Variants in CCDC77 observed in about 807,000 individuals in gnomAD.
The protein encoded by CCDC77 is coiled-coil domain containing 77.
CCDC77 carries 56 observed loss-of-function variants against 66.8 expected under a neutral mutation model. That is an observed-to-expected ratio of 0.84 (90% CI 0.68 to 1.05). The LOEUF (loss-of-function observed/expected upper bound fraction) is 1.05. Among genes scored for constraint, CCDC77 ranks in the 50% least tolerant of loss-of-function variants. The pLI, the probability that CCDC77 is intolerant of heterozygous loss-of-function variation, is 0.00. For synonymous variants in CCDC77, 196 were observed against 195.2 expected (o/e 1.00, Z -0.03); for missense variants, 570 against 576.8 (o/e 0.99, Z 0.12).
chr12:425,119 C>T (rs976678659), intron 5 of CCDC77, among the ~76,000 whole-genome samples: 1 of 151,194 alleles, frequency 6.6e-6, no homozygotes, highest in Non-Finnish European at 1.5e-5. Flanking sequence ...TTTGTAGAGA[C>T]AGGGTTTTTC....
intron 10 of CCDC77, 131 bp downstream of exon 10, chr12:438,685 A>C: frequency 1.6e-6 from 1 of 640,568 alleles, no homozygotes; most frequent in Non-Finnish European, 2.7e-6. Context: ...CTCAAGAACT[A>C]GGTTTCAAAG....
Position 442,633 on chromosome 12 carries a change from T to C in CCDC77, c.*713T>C. The C allele has an allele frequency of 6.6e-6, 1 of 152,260 alleles. No homozygotes were observed. The highest frequency in any genetic ancestry group is 2.1e-4 in the South Asian group (1 of 4,832). 9.4% of individuals were successfully genotyped at this position (152,260 alleles called of 1,614,324 possible). Reference sequence around the variant, plus strand: ...AATTAACTATTTTCAATAAAATATTTCACTCAAAAGATTTTCTTTGAGTTT... The same window carrying C: ...AATTAACTATTTTCAATAAAATATTCCACTCAAAAGATTTTCTTTGAGTTT... On this transcript the variant is annotated 3_prime_UTR_variant, in exon 13 of 13. Coordinates refer to ENST00000239830, the MANE Select transcript of CCDC77 (RefSeq NM_032358.4).
At chr12:431,436 C>G (rs904020282) in intron 7 of CCDC77, among the ~76,000 whole-genome samples, 1 of 152,042 alleles carries the variant, frequency 6.6e-6, no homozygotes, top group African/African-American at 2.4e-5. Context: ...CACTATGTCA[C>G]TCAGGCTGGT....
chr12:433,469 G>A (rs1945688690), intron 9 of CCDC77, 147 bp downstream of exon 9: 7 of 1,434,450 alleles, frequency 4.9e-6, no homozygotes, highest in East Asian at 2.5e-5. Context: ...CCGCCTCTAC[G>A]TAGGTGAGTA....
At chr12:406,811 G>T (rs913746829) in intron 2 of CCDC77, among the ~76,000 whole-genome samples, 1 of 152,200 alleles carries the variant, frequency 6.6e-6, no homozygotes, top group African/African-American at 2.4e-5. Context: ...GCCAGGCTTG[G>T]TGGTATGTGC....
chr12:396,895 A>AGT (rs1944835126), upstream of CCDC77, among the ~76,000 whole-genome samples: 1 of 152,142 alleles, frequency 6.6e-6, no homozygotes, highest in Admixed American at 6.5e-5. Flanking sequence ...TATAAGCAGG[A>AGT]GTGTGACAGA....
intron 4 of CCDC77, among the ~76,000 whole-genome samples, chr12:417,970 A>G (rs1204243341): frequency 1.3e-5 from 2 of 152,148 alleles, no homozygotes; most frequent in African/African-American, 2.4e-5. Context: ...TGTAAAAGGA[A>G]GATGTGAGAG....
intron 5 of CCDC77, among the ~76,000 whole-genome samples, chr12:426,822 TC>T (rs1748440597): frequency 6.6e-6 from 1 of 152,104 alleles, no homozygotes; most frequent in African/African-American, 2.4e-5. Flanking sequence ...TCTTTCCTCT[TC>T]CCCAGTATAC....
chr12:410,274 T>TG (rs1945081187), intron 3 of CCDC77, among the ~76,000 whole-genome samples: 2 of 151,538 alleles, frequency 1.3e-5, no homozygotes, highest in Admixed American at 1.3e-4. Context: ...TTTGTTTTTT[T>TG]TTTGTTTTTT....
Position 430,023 on chromosome 12 carries a change from C to T in CCDC77, c.511-641C>T, listed in dbSNP as rs944665615. On this transcript the variant is annotated intron_variant, in intron 6 of 12. Coordinates refer to ENST00000239830, the MANE Select transcript of CCDC77 (RefSeq NM_032358.4). The stretch of plus-strand genomic sequence containing the variant: ...TTATTTATTTTTCAAGATGGAGTTT[C>T]GCTCTTGTACACCAGGCTGGAGTGT... Among the ~76,000 whole-genome samples, 116 of 152,200 alleles carry T rather than the reference C, an allele frequency of 7.6e-4. 1 individual carries two copies. The highest frequency in any genetic ancestry group is 8.3e-4 in the South Asian group (4 of 4,810).
intron 6 of CCDC77, among the ~76,000 whole-genome samples, chr12:429,255 A>G (rs1945600007): frequency 6.6e-6 from 1 of 152,160 alleles, no homozygotes; most frequent in Non-Finnish European, 1.5e-5. Flanking sequence ...TAAAAGTGGC[A>G]GGTTCTCATA....
In CCDC77 at chr12:404,361, GA is replaced by G. The variant is rs1944953969; in HGVS notation, c.-70-1148del. ...TAGGTAGTTGGCACTATCTAATTAA[GA>G]ATACAAGTGAAGGAGTAACTATTGG... is the stretch of plus-strand genomic sequence containing the variant. On this transcript the variant is annotated intron_variant, in intron 1 of 12. Transcript: ENST00000239830. 3.9e-5 allele frequency among the ~76,000 whole-genome samples: 6 copies of G among 152,286 alleles called. 1 individual carries two copies. The South Asian group carries it at 1.2e-3, about 32-fold the overall frequency.
intron 9 of CCDC77, among the ~76,000 whole-genome samples, chr12:436,511 A>G (rs2137617163): frequency 6.6e-6 from 1 of 152,228 alleles, no homozygotes; most frequent in South Asian, 2.1e-4. Flanking sequence ...GGCGGGAGCC[A>G]TCGCGCCCGG....
intron 1 of CCDC77, among the ~76,000 whole-genome samples, chr12:394,908 A>T (rs1726475769): frequency 6.6e-6 from 1 of 152,260 alleles, no homozygotes; most frequent in Non-Finnish European, 1.5e-5. Context: ...CAACAAAAAA[A>T]GACAAAGTAT....
chr12:407,579 G>A (rs938871709), intron 2 of CCDC77, among the ~76,000 whole-genome samples: 3 of 152,080 alleles, frequency 2.0e-5, no homozygotes, highest in Non-Finnish European at 4.4e-5. Flanking sequence ...GACTTCAGGA[G>A]ATCACCAAGG....
At chr12:389,754 G>C (rs1323653270) in intron 1 of CCDC77, among the ~76,000 whole-genome samples, 1 of 152,178 alleles carries the variant, frequency 6.6e-6, no homozygotes, top group East Asian at 1.9e-4. Flanking sequence ...CCCGTGCTTC[G>C]TAATTTGTTT....
rs763119387 is a variant in CCDC77, at chr12:411,988, C to A, written c.270+10C>A. Reference sequence around the variant, plus strand: ...AGCTTGTGAAGGACAGGTAAAGAAACGATGCTGCTGCTTTAGAACTCTGAT... The same window carrying A: ...AGCTTGTGAAGGACAGGTAAAGAAAAGATGCTGCTGCTTTAGAACTCTGAT... On this transcript the variant is annotated intron_variant, in intron 4 of 12. Transcript: ENST00000239830. 3 of 1,591,440 alleles carry A rather than the reference C, an allele frequency of 1.9e-6. No homozygotes were observed. Among genetic ancestry groups the A allele is most frequent in the Admixed American group, 3.4e-5 (2 of 59,536 alleles).
chr12:405,066 T>G (rs769586164), intron 1 of CCDC77, among the ~76,000 whole-genome samples: 1 of 152,208 alleles, frequency 6.6e-6, no homozygotes, highest in Admixed American at 6.5e-5. Flanking sequence ...GAAATTTAAC[T>G]TTAAGTTGTC....
chr12:434,320 C>T (rs1945707443), intron 9 of CCDC77, among the ~76,000 whole-genome samples: 1 of 150,940 alleles, frequency 6.6e-6, no homozygotes, highest in Non-Finnish European at 1.5e-5. Flanking sequence ...TTCTGGGGTT[C>T]TGGGGTCACC....
Sources: allele counts gnomAD v4.1 joint callset (sites outside exome capture counted in the v4.1 genomes callset), GRCh38; gene constraint gnomAD v4.1.1; transcripts MANE v1.5; gene names NCBI Gene and HGNC (gene_info 2026-07-23, HGNC 2026-07-21).